The following AGBL4 variants were observed in gnomAD, a reference collection of about 807,000 sequenced individuals.
The protein encoded by AGBL4 is cytosolic carboxypeptidase 6.
In AGBL4, 58 loss-of-function variants were observed where a neutral mutation model predicts 66.4. The ratio of observed to expected loss-of-function variants is 0.87; its 90% CI spans 0.71 to 1.09. The LOEUF (loss-of-function observed/expected upper bound fraction) is 1.09. Ranked by LOEUF, AGBL4 falls within the 50% of genes least tolerant of loss-of-function variation. AGBL4 has a pLI of 0.00. For synonymous variants in AGBL4, 234 were observed against 222.9 expected, an observed-to-expected ratio of 1.05 and a Z score of -0.44; for missense variants, 579 against 631.0, an observed-to-expected ratio of 0.92 and a Z score of 0.88.
intron 9 of AGBL4, among the ~76,000 whole-genome samples, chr1:48,608,915 G>T (rs1170287635): frequency 6.6e-6 from 1 of 152,076 alleles, no homozygotes; most frequent in Non-Finnish European, 1.5e-5. Flanking sequence ...AAAAAGATTT[G>T]CATGCAATAT....
At chr1:49,313,784 T>C (rs900301095) in intron 3 of AGBL4, among the ~76,000 whole-genome samples, 1 of 152,296 alleles carries the variant, frequency 6.6e-6, no homozygotes, top group East Asian at 1.9e-4. Flanking sequence ...GTCAGATGGA[T>C]AGATTGCAAA....
intron 3 of AGBL4, among the ~76,000 whole-genome samples, chr1:49,304,325 T>A (rs1317883635): frequency 6.6e-6 from 1 of 152,228 alleles, no homozygotes; most frequent in Non-Finnish European, 1.5e-5. Flanking sequence ...TCCATTGGTC[T>A]ATGACACATG....
intron 3 of AGBL4, among the ~76,000 whole-genome samples, chr1:49,592,306 C>G (rs1644766081): frequency 1.3e-5 from 2 of 152,166 alleles, no homozygotes; most frequent in South Asian, 4.1e-4. Flanking sequence ...CTCAGTGGCT[C>G]ACACCTGTAA....
chr1:49,307,135 A>T (rs1046594551), intron 3 of AGBL4, among the ~76,000 whole-genome samples: 1 of 152,298 alleles, frequency 6.6e-6, no homozygotes, highest in Admixed American at 6.5e-5. Flanking sequence ...GAACACTGCA[A>T]TCTTATAATG....
chr1:49,400,795 T>C (rs961200526), intron 3 of AGBL4, among the ~76,000 whole-genome samples: 7 of 152,308 alleles, frequency 4.6e-5, no homozygotes, highest in African/African-American at 1.7e-4. Context: ...CCAAATAAAA[T>C]TGTATCATTT....
intron 3 of AGBL4, among the ~76,000 whole-genome samples, chr1:49,384,389 C>T (rs1221580126): frequency 6.6e-6 from 1 of 151,412 alleles, no homozygotes; most frequent in Non-Finnish European, 1.5e-5. Context: ...GTCAGGAGCT[C>T]GAGACCACCC....
At chr1:49,492,156 A>C (rs935634752) in intron 3 of AGBL4, among the ~76,000 whole-genome samples, 2 of 151,874 alleles carry the variant, frequency 1.3e-5, no homozygotes, top group African/African-American at 2.4e-5. Context: ...ACATAACATT[A>C]GGCTATTATT....
intron 3 of AGBL4, among the ~76,000 whole-genome samples, chr1:49,298,466 T>A (rs1026039204): frequency 1.2e-4 from 18 of 152,250 alleles, no homozygotes; most frequent in Admixed American, 1.2e-3. Flanking sequence ...GCAAACAGAT[T>A]GCAAAATAAG....
intron 3 of AGBL4, among the ~76,000 whole-genome samples, chr1:49,402,105 T>C (rs893505756): frequency 2.6e-5 from 4 of 152,146 alleles, no homozygotes; most frequent in African/African-American, 9.6e-5. Context: ...GTCAATTTTG[T>C]TTTTCTTTTC....
intron 3 of AGBL4, among the ~76,000 whole-genome samples, chr1:49,402,752 A>C (rs1645114139): frequency 6.6e-6 from 1 of 152,060 alleles, no homozygotes; most frequent in African/African-American, 2.4e-5. Flanking sequence ...TTTTTAGTAG[A>C]GACAGAGTTT....
At chr1:48,781,047 T>C (rs980811861) in intron 6 of AGBL4, among the ~76,000 whole-genome samples, 2 of 152,242 alleles carry the variant, frequency 1.3e-5, no homozygotes, top group African/African-American at 4.8e-5. Context: ...ACATTGATTC[T>C]ACCACTTGTA....
intron 3 of AGBL4, among the ~76,000 whole-genome samples, chr1:49,530,273 C>CAAACA (rs1651009781): frequency 8.9e-6 from 1 of 111,928 alleles, no homozygotes; most frequent in African/African-American, 3.6e-5. Context: ...AAAAAAAAAA[C>CAAACA]AAAAAAAAAC....
At chr1:49,879,523 G>C (rs1221173291) in intron 1 of AGBL4, among the ~76,000 whole-genome samples, 1 of 147,746 alleles carries the variant, frequency 6.8e-6, no homozygotes, top group Non-Finnish European at 1.5e-5. Context: ...TTTCTGCCGA[G>C]AGATCCGCTG....
At chr1:49,507,756 TAAG>T (rs1460077473) in intron 3 of AGBL4, among the ~76,000 whole-genome samples, 3 of 151,928 alleles carry the variant, frequency 2.0e-5, no homozygotes, top group Non-Finnish European at 2.9e-5. Context: ...GTAATGATTT[TAAG>T]AATAAATATG....
intron 3 of AGBL4, among the ~76,000 whole-genome samples, chr1:49,693,214 T>C (rs2124601779): frequency 6.6e-6 from 1 of 152,318 alleles, no homozygotes. Context: ...TCAATTTAGA[T>C]ATATGTGTAA....
rs143287635 is a variant in AGBL4, at chr1:49,717,068, C to T, written c.158-19631G>A. 8.0e-3 allele frequency among the ~76,000 whole-genome samples: 1,214 copies of T among 152,198 alleles called. 9 individuals carry two copies. The highest frequency in any genetic ancestry group is 0.031 in the Middle Eastern group (9 of 294). ...AAAATCTCCTTAAGCTGATAAGCAA[C>T]CTCAGCAAAATCTCATGATACAAAA... On this transcript the variant is annotated intron_variant, in intron 2 of 13. Transcript: ENST00000371839.
chr1:49,813,805 G>T (rs944809413), intron 2 of AGBL4, among the ~76,000 whole-genome samples: 4 of 152,258 alleles, frequency 2.6e-5, no homozygotes, highest in Admixed American at 2.6e-4. Context: ...AATATGGAAA[G>T]AGAGTACTTG....
At chr1:49,097,151 T>G (rs1337233133) in intron 4 of AGBL4, among the ~76,000 whole-genome samples, 2 of 152,232 alleles carry the variant, frequency 1.3e-5, no homozygotes, top group African/African-American at 2.4e-5. Context: ...ACATACTTGA[T>G]GACTAATTCT....
chr1:49,208,827 C>T (rs1337920672), intron 4 of AGBL4, among the ~76,000 whole-genome samples: 2 of 152,074 alleles, frequency 1.3e-5, no homozygotes, highest in Non-Finnish European at 2.9e-5. Context: ...GAAAATTATT[C>T]GTGATATGTC....
Sources: allele counts gnomAD v4.1 joint callset (sites outside exome capture counted in the v4.1 genomes callset), GRCh38; gene constraint gnomAD v4.1.1; transcripts MANE v1.5; gene names NCBI Gene and HGNC (gene_info 2026-07-23, HGNC 2026-07-21).